The following PRKACB variants were observed in gnomAD, a reference collection of about 807,000 sequenced individuals.
PRKACB encodes cAMP-dependent protein kinase catalytic subunit beta.
In PRKACB, 16 loss-of-function variants were observed where a neutral mutation model predicts 51.4. The ratio of observed to expected loss-of-function variants is 0.31; its 90% confidence interval spans 0.21 to 0.47. The LOEUF (loss-of-function observed/expected upper bound fraction) is 0.47, where lower values mean the gene tolerates loss of function less well. PRKACB is among the 20% of genes least tolerant of loss of function. The pLI is 1.00. For synonymous variants in PRKACB, 147 were observed against 154.4 expected (o/e 0.95, Z 0.35); for missense variants, 309 against 464.5 (o/e 0.67, Z 3.08).
intron 7 of PRKACB, among the ~76,000 whole-genome samples, chr1:84,198,931 GTA>G (rs1669020837): frequency 6.9e-6 from 1 of 144,652 alleles, no homozygotes; most frequent in South Asian, 2.1e-4. Flanking sequence ...GTGTATATAT[GTA>G]TATGTGTATA....
At chr1:84,154,737 A>G (rs1655248892) in intron 1 of PRKACB, among the ~76,000 whole-genome samples, 1 of 152,154 alleles carries the variant, frequency 6.6e-6, no homozygotes, top group Non-Finnish European at 1.5e-5. Context: ...TTCAACATAC[A>G]CAAATCAACA....
intron 1 of PRKACB, among the ~76,000 whole-genome samples, chr1:84,160,857 C>G (rs1340554101): frequency 6.6e-6 from 1 of 151,746 alleles, no homozygotes; most frequent in South Asian, 2.1e-4. Context: ...AAAGCTTTGG[C>G]AAACCCTTCA....
intron 9 of PRKACB, among the ~76,000 whole-genome samples, chr1:84,224,235 C>T (rs1373958157): frequency 1.3e-5 from 2 of 152,150 alleles, no homozygotes; most frequent in Non-Finnish European, 2.9e-5. Context: ...CATACCTGCC[C>T]CTGGTGGCCA....
At chr1:84,082,981 C>T (rs1016689543) in intron 1 of PRKACB, among the ~76,000 whole-genome samples, 4 of 152,082 alleles carry the variant, frequency 2.6e-5, no homozygotes, top group Admixed American at 1.3e-4. Flanking sequence ...ACTTAGTGAG[C>T]AAATTATTAT....
intron 1 of PRKACB, among the ~76,000 whole-genome samples, chr1:84,136,718 C>A (rs1652862023): frequency 6.6e-6 from 1 of 152,170 alleles, no homozygotes; most frequent in African/African-American, 2.4e-5. Context: ...CACACAAAAA[C>A]CTGCACATGA....
chr1:84,163,802 T>G (rs1297730361), intron 1 of PRKACB, among the ~76,000 whole-genome samples: 1 of 152,092 alleles, frequency 6.6e-6, no homozygotes, highest in Non-Finnish European at 1.5e-5. Flanking sequence ...CCAAAAGTCC[T>G]GCCTCACATG....
At chr1:84,156,660 G>A (rs1655541428) in intron 1 of PRKACB, among the ~76,000 whole-genome samples, 1 of 152,080 alleles carries the variant, frequency 6.6e-6, no homozygotes, top group African/African-American at 2.4e-5. Flanking sequence ...GCAACTTGCA[G>A]ATATGTTTTG....
intron 9 of PRKACB, among the ~76,000 whole-genome samples, chr1:84,233,965 G>A (rs1430331212): frequency 4.7e-4 from 72 of 151,758 alleles, no homozygotes; most frequent in Admixed American, 1.4e-3. Flanking sequence ...GAGGAACTGC[G>A]TTCCTTTGGA....
At chr1:84,183,967 A>G (rs1486572018) in intron 3 of PRKACB, 70 bp from the exon 4 acceptor site, 5 of 1,400,140 alleles carry the variant, frequency 3.6e-6, no homozygotes, top group Non-Finnish European at 4.7e-6. Flanking sequence ...TATATGGAAA[A>G]CATTTTTTTA....
chr1:84,107,598 G>A (rs559449193), intron 1 of PRKACB, among the ~76,000 whole-genome samples: 1 of 152,010 alleles, frequency 6.6e-6, no homozygotes, highest in Non-Finnish European at 1.5e-5. Flanking sequence ...GTTAGTCTGG[G>A]TCTAATATCC....
In PRKACB at chr1:84,200,833, C is replaced by G. The variant is rs11804221; in HGVS notation, c.784-1850C>G. 3.2e-3 allele frequency among the ~76,000 whole-genome samples: 486 copies of G among 152,086 alleles called. 1 individual carries two copies. Among genetic ancestry groups the G allele is most frequent in the African/African-American group, 0.011 (457 of 41,526 alleles). On this transcript the variant is annotated intron_variant, in intron 7 of 9. Transcript: ENST00000370685. ...ATTTCTGGGTTGTCATAGTTGAAAT[C>G]ATAGTAAATATATATAGTCTTGTCT...
chr1:84,196,535 T>A (rs1334043858), intron 5 of PRKACB, 81 bp from the exon 6 acceptor site: 1 of 1,385,530 alleles, frequency 7.2e-7, no homozygotes, highest in African/African-American at 1.5e-5. Context: ...CTCTACTTCA[T>A]ATTAGTTTTT....
chr1:84,183,921 C>T, intron 3 of PRKACB, 116 bp from the exon 4 acceptor site: 1 of 1,099,890 alleles, frequency 9.1e-7, no homozygotes, highest in African/African-American at 1.6e-5. Flanking sequence ...TCTTCCTTAT[C>T]CAATTCTAAC....
At chr1:84,192,720 G>A (rs1401719783) in intron 5 of PRKACB, among the ~76,000 whole-genome samples, 1 of 152,064 alleles carries the variant, frequency 6.6e-6, no homozygotes, top group African/African-American at 2.4e-5. Flanking sequence ...AGTCTTATTT[G>A]GAGTATATGA....
At chr1:84,140,480 G>A (rs1185725860), upstream of PRKACB, among the ~76,000 whole-genome samples, 1 of 152,136 alleles carries the variant, frequency 6.6e-6, no homozygotes, top group Admixed American at 6.5e-5. Context: ...AATAGCAGGA[G>A]TTATAGTCAT....
At chr1:84,220,801 T>C (rs1324304774) in intron 9 of PRKACB, among the ~76,000 whole-genome samples, 1 of 152,214 alleles carries the variant, frequency 6.6e-6, no homozygotes, top group East Asian at 1.9e-4. Context: ...CACTTGATCA[T>C]GTTGTATTAT....
rs1676845090 is a variant in PRKACB at position 84,238,412 on chromosome 1, T to C, written c.*3107T>C. On this transcript the variant is annotated 3_prime_UTR_variant, in exon 10 of 10. Coordinates refer to ENST00000370685, the MANE Select transcript of PRKACB (RefSeq NM_182948.4). ...GTTTAGAATGGAATTTCCTATGCAC[T>C]ACTGTAGCTAGGAAATGCTGAAAAC... The C allele has an allele frequency of 6.6e-6, 1 of 152,622 alleles. No individual in the cohort carries two copies. The highest frequency in any genetic ancestry group is 1.5e-5 in the Non-Finnish European group (1 of 68,008). The allele number at this position is 152,622 out of a possible 1,614,324, so 9.5% of individuals were successfully genotyped here. A position where few individuals can be genotyped will look rare whatever the true frequency, so the allele number is the denominator to read the frequency against.
At chr1:84,172,025 C>A (rs1051111175) in intron 1 of PRKACB, among the ~76,000 whole-genome samples, 7 of 151,600 alleles carry the variant, frequency 4.6e-5, no homozygotes, top group Non-Finnish European at 8.9e-5. Context: ...TTTACCTAAT[C>A]TTTAACAATC....
rs1658250640 is a variant in PRKACB at position 84,168,453 on chromosome 1, A to G, written c.188-10724A>G. On this transcript the variant is annotated intron_variant, in intron 1 of 9. Coordinates refer to ENST00000370685, the MANE Select transcript of PRKACB (RefSeq NM_182948.4). The stretch of plus-strand genomic sequence containing the variant: ...AAATCCTGGGTGAGAATCCTGGCCC[A>G]GCTGTAGTTGAGGGCAAATCTCTGA... 2.6e-5 allele frequency among the ~76,000 whole-genome samples: 4 copies of G among 151,634 alleles called. No homozygotes were observed. In the South Asian group the frequency reaches 6.2e-4, roughly 24 times the overall value.
Sources: gnomAD v4.1 joint callset for allele counts (sites outside exome capture counted in the v4.1 genomes callset) on GRCh38, gnomAD v4.1.1 for gene constraint, MANE v1.5 for transcripts, NCBI Gene and HGNC (gene_info 2026-07-23, HGNC 2026-07-21) for gene names.